Variants in PTER observed in about 807,000 individuals in gnomAD.
The protein encoded by PTER is phosphotriesterase related.
In PTER, 38 loss-of-function variants were observed where a neutral mutation model predicts 29.6. The ratio of observed to expected loss-of-function variants is 1.28; its 90% CI spans 0.99 to 1.68. PTER has a LOEUF of 1.68. Ranked by LOEUF, PTER falls within the 40% of genes most tolerant of loss-of-function variation. The pLI is 0.00. For synonymous variants in PTER, 172 were observed against 154.5 expected, an observed-to-expected ratio of 1.11 and a Z score of -0.84; for missense variants, 482 against 427.8, an observed-to-expected ratio of 1.13 and a Z score of -1.12.
intron 1 of PTER, among the ~76,000 whole-genome samples, chr10:16,456,094 C>T (rs1331381390): frequency 6.6e-6 from 1 of 152,184 alleles, no homozygotes; most frequent in Non-Finnish European, 1.5e-5. Flanking sequence ...GTGCAAAAGA[C>T]GTTGCCAGTT....
intron 3 of PTER, among the ~76,000 whole-genome samples, chr10:16,488,603 G>GGA (rs35122897): frequency 0.14 from 19,126 of 133,820 alleles, 1,767 homozygotes; most frequent in African/African-American, 0.26. Context: ...ATATATATAT[G>GGA]GAGAGAGAGA....
intron 1 of PTER, chr10:16,437,414 C>G (rs1387445834): frequency 6.6e-6 from 1 of 151,568 alleles, no homozygotes; most frequent in Non-Finnish European, 1.5e-5. Flanking sequence ...TCACAGCTCA[C>G]TGCAGCCTCG....
At position 16,489,444 on chromosome 10, in the gene PTER, T is replaced by C. The variant is rs531587484; in HGVS notation, c.698+2827T>C. 3.9e-5 allele frequency among the ~76,000 whole-genome samples: 6 copies of C among 152,302 alleles called. No individual in the cohort carries two copies. The East Asian group carries it at 9.6e-4, about 24-fold the overall frequency. On this transcript the variant is annotated intron_variant, in intron 3 of 4. Coordinates refer to ENST00000535784, the MANE Select transcript of PTER (RefSeq NM_001261836.2). ...AGTTTACTAGTTCTTCTGGCTGTCATTGATAGGAGGTTATTTCCTTATGTT... is the reference window on the plus strand; with the variant it reads ...AGTTTACTAGTTCTTCTGGCTGTCACTGATAGGAGGTTATTTCCTTATGTT...
At position 16,511,156 on chromosome 10, in the gene PTER, T is replaced by C; in HGVS notation, c.950T>C (p.Leu317Pro). The C allele has an allele frequency of 6.2e-7, 1 of 1,614,128 alleles. No individual in the cohort carries two copies. Among genetic ancestry groups the C allele is most frequent in the South Asian group, 1.1e-5 (1 of 91,070 alleles). The change falls in exon 5 of 5, where the codon CTC (leucine) becomes CCC (proline). Residue 317 changes from leucine to proline, a missense_variant. Coordinates refer to ENST00000535784, the MANE Select transcript of PTER (RefSeq NM_001261836.2). Reference sequence around the variant, plus strand: ...GGAGGTCACGGCTATTCTCATATACTCACCAATGTTGTTCCTAAAATGTTG... The same window carrying C: ...GGAGGTCACGGCTATTCTCATATACCCACCAATGTTGTTCCTAAAATGTTG... The part of the protein sequence containing the change: ...KYGGHGYSHI[L>P]TNVVPKMLLR...
downstream of PTER, among the ~76,000 whole-genome samples, chr10:16,515,232 A>AG (rs1469284171): frequency 2.6e-5 from 4 of 151,540 alleles, no homozygotes; most frequent in Non-Finnish European, 5.9e-5. Flanking sequence ...AAGAAAAAAA[A>AG]AAAAAAGAAA....
At chr10:16,481,977 A>G (rs892398653) in intron 1 of PTER, among the ~76,000 whole-genome samples, 7 of 152,274 alleles carry the variant, frequency 4.6e-5, no homozygotes, top group Non-Finnish European at 1.0e-4. Context: ...ATTCCTATCC[A>G]TCATCATTGG....
intron 3 of PTER, among the ~76,000 whole-genome samples, chr10:16,499,457 A>C (rs969393612): frequency 6.7e-6 from 1 of 149,802 alleles, no homozygotes; most frequent in Non-Finnish European, 1.5e-5. Context: ...TATATTTTGG[A>C]GACAGGGTCT....
chr10:16,475,025 T>G (rs1835208369), intron 1 of PTER, among the ~76,000 whole-genome samples: 1 of 152,124 alleles, frequency 6.6e-6, no homozygotes, highest in South Asian at 2.1e-4. Flanking sequence ...GTTCACATGG[T>G]GGAAGGAAGG....
intron 2 of PTER, among the ~76,000 whole-genome samples, chr10:16,485,259 A>G (rs1588616444): frequency 6.6e-6 from 1 of 152,304 alleles, no homozygotes; most frequent in South Asian, 2.1e-4. Context: ...TTGGCAGTCA[A>G]AGACTTGGCA....
intron 1 of PTER, among the ~76,000 whole-genome samples, chr10:16,437,668 A>G (rs1236127789): frequency 6.6e-6 from 1 of 152,134 alleles, no homozygotes; most frequent in African/African-American, 2.4e-5. Flanking sequence ...CAGCGGTCAT[A>G]TGTCTGAGTC....
intron 1 of PTER, among the ~76,000 whole-genome samples, chr10:16,438,346 G>T (rs1833727296): frequency 6.6e-6 from 1 of 151,798 alleles, no homozygotes; most frequent in African/African-American, 2.4e-5. Context: ...ACCAAAGCTG[G>T]AGTGCAGTGG....
chr10:16,490,358 A>G (rs1835854143), intron 3 of PTER, among the ~76,000 whole-genome samples: 1 of 151,896 alleles, frequency 6.6e-6, no homozygotes, highest in Admixed American at 6.6e-5. Context: ...ATCTCCAAAA[A>G]CTGTATATGG....
At chr10:16,508,070 C>CTT (rs56800279) in intron 4 of PTER, among the ~76,000 whole-genome samples, 3,181 of 127,824 alleles carry the variant, frequency 0.025, 190 homozygotes, top group African/African-American at 0.085. Flanking sequence ...TTTTCTTTTT[C>CTT]TTTTTTTTTT....
chr10:16,514,958 A>C (rs73595362), downstream of PTER, among the ~76,000 whole-genome samples: 9,459 of 152,212 alleles, frequency 0.062, 949 homozygotes, highest in African/African-American at 0.21. Flanking sequence ...CTAACTACAC[A>C]TTCTAAACTA....
chr10:16,488,908 A>T (rs1835798448), intron 3 of PTER, among the ~76,000 whole-genome samples: 1 of 152,152 alleles, frequency 6.6e-6, no homozygotes, highest in African/African-American at 2.4e-5. Flanking sequence ...CTGGTCATAA[A>T]TTTCTTTTAA....
At chr10:16,471,218 C>T (rs934862986) in intron 1 of PTER, among the ~76,000 whole-genome samples, 1 of 152,186 alleles carries the variant, frequency 6.6e-6, no homozygotes, top group African/African-American at 2.4e-5. Flanking sequence ...TCAGGCAAGA[C>T]AGGCAATTAG....
intron 1 of PTER, among the ~76,000 whole-genome samples, chr10:16,471,060 A>G (rs527714626): frequency 5.9e-5 from 9 of 152,266 alleles, no homozygotes; most frequent in Non-Finnish European, 1.3e-4. Context: ...TTTTTCTAGA[A>G]TTGTCACTGG....
intron 1 of PTER, among the ~76,000 whole-genome samples, chr10:16,456,840 G>A (rs1474918736): frequency 2.4e-5 from 3 of 125,516 alleles, no homozygotes; most frequent in South Asian, 6.0e-4. Context: ...CCTGGTGGGA[G>A]GTAACTGAAC....
At chr10:16,458,072 G>A (rs1220326112) in intron 1 of PTER, among the ~76,000 whole-genome samples, 1 of 152,168 alleles carries the variant, frequency 6.6e-6, no homozygotes, top group Non-Finnish European at 1.5e-5. Flanking sequence ...TATTAGTGTT[G>A]TATGAACTGT....
Sources: gnomAD v4.1 joint callset for allele counts (sites outside exome capture counted in the v4.1 genomes callset) on GRCh38, gnomAD v4.1.1 for gene constraint, MANE v1.5 for transcripts, NCBI Gene and HGNC (gene_info 2026-07-23, HGNC 2026-07-21) for gene names.